The following KCNJ4 variants were observed in gnomAD, a reference collection of about 807,000 sequenced individuals.
The protein encoded by KCNJ4 is potassium inwardly rectifying channel subfamily J member 4, also known as inward rectifier potassium channel 4.
Under a neutral mutation model 25.6 loss-of-function variants are expected in KCNJ4, and 3 were observed. That is an observed-to-expected ratio of 0.12 (90% CI 0.05 to 0.30). The LOEUF (loss-of-function observed/expected upper bound fraction) is 0.30, where lower values mean the gene tolerates loss of function less well. KCNJ4 is among the 10% of genes least tolerant of loss of function. KCNJ4 has a pLI of 1.00. For missense variants in KCNJ4, 286 were observed against 666.8 expected (o/e 0.43, Z 6.29); for synonymous variants, 257 against 283.9 (o/e 0.91, Z 0.95).
At chr22:38,450,827 C>T (rs1205453623) in intron 1 of KCNJ4, among the ~76,000 whole-genome samples, 1 of 152,188 alleles carries the variant, frequency 6.6e-6, no homozygotes, top group Non-Finnish European at 1.5e-5. Context: ...CAGAGGATCC[C>T]TGAGGGGGTG....
In KCNJ4 at chr22:38,428,070, G is replaced by A. The variant is rs554555759; in HGVS notation, c.63C>T (p.Phe21=). 8.1e-6 allele frequency: 13 copies of A among 1,614,020 alleles called. No individual in the cohort carries two copies. The East Asian group carries it at 1.1e-4, about 14-fold the overall frequency. The change falls in exon 2 of 2, where the codon TTC becomes TTT. Residue 21 remains phenylalanine, a synonymous_variant. Transcript: ENST00000303592. ...HVPRRKRRNR[F]VKKNGQCNVY... is the part of the protein sequence containing the mutation. ...CGTTGCATTGGCCGTTCTTCTTGAC[G>A]AAGCGGTTGCGGCGCTTCCGCCGGG... is the stretch of plus-strand genomic sequence containing the variant.
In KCNJ4 at chr22:38,439,774, CAA is replaced by C. The variant is rs112130946; in HGVS notation, c.-39-11605_-39-11604del. On this transcript the variant is annotated intron_variant, in intron 1 of 1. Coordinates refer to ENST00000303592, the MANE Select transcript of KCNJ4 (RefSeq NM_152868.3). ...TGGGCGACAGAGCGAGACTCCATCTCAAAAAAAAAAAAAAAAAAGAAATACAA... is the reference window on the plus strand; with the variant it reads ...TGGGCGACAGAGCGAGACTCCATCTCAAAAAAAAAAAAAAAAGAAATACAA... Among the ~76,000 whole-genome samples the C allele has an allele frequency of 1.8e-3, 152 of 85,154 alleles. 1 individual carries two copies. The highest frequency in any genetic ancestry group is 7.1e-3 in the East Asian group (24 of 3,386). 55.9% of individuals were successfully genotyped at this position (85,154 alleles called of 152,430 possible). A position where few individuals can be genotyped will look rare whatever the true frequency, so the allele number is the denominator to read the frequency against.
Position 38,427,905 on chromosome 22 carries a change from G to C in KCNJ4, c.228C>G (p.Leu76=). ...CGTGGAAGAAGGCGATACACCAGAA[G>C]AGGAGGCCGAAAAAGAGCCAGGAGA... The part of the protein sequence containing the change: ...FLVSWLFFGL[L]FWCIAFFHGD... The change falls in exon 2 of 2, where the codon CTC becomes CTG. Residue 76 remains leucine, a synonymous_variant. Transcript: ENST00000303592. 6.2e-7 allele frequency: 1 copy of C among 1,612,772 alleles called. No homozygotes were observed. Among genetic ancestry groups the C allele is most frequent in the Non-Finnish European group, 8.5e-7 (1 of 1,179,060 alleles).
intron 1 of KCNJ4, among the ~76,000 whole-genome samples, chr22:38,454,768 C>G (rs1386435556): frequency 6.6e-6 from 1 of 152,100 alleles, no homozygotes; most frequent in Non-Finnish European, 1.5e-5. Flanking sequence ...GACCGCGACG[C>G]TCCCAGACGG....
At chr22:38,448,431 T>A (rs1016954696) in intron 1 of KCNJ4, among the ~76,000 whole-genome samples, 2 of 152,086 alleles carry the variant, frequency 1.3e-5, no homozygotes, top group Non-Finnish European at 2.9e-5. Flanking sequence ...GTCAAGGTCA[T>A]GCGGAGCCAG....
chr22:38,454,071 AAC>A (rs372059015), intron 1 of KCNJ4, among the ~76,000 whole-genome samples: 2 of 151,488 alleles, frequency 1.3e-5, no homozygotes, highest in African/African-American at 2.4e-5. Context: ...TGTGGGGGAG[AAC>A]ACACACACAC....
intron 1 of KCNJ4, among the ~76,000 whole-genome samples, chr22:38,454,570 G>T (rs868163617): frequency 2.1e-4 from 32 of 152,150 alleles, no homozygotes; most frequent in Admixed American, 9.2e-4. Flanking sequence ...AGATCACAGG[G>T]CCATTTGCAA....
intron 1 of KCNJ4, among the ~76,000 whole-genome samples, chr22:38,442,220 T>C (rs962409081): frequency 6.6e-6 from 1 of 152,182 alleles, no homozygotes; most frequent in African/African-American, 2.4e-5. Context: ...TTAAAATTAA[T>C]GTGTACACAT....
chr22:38,441,111 G>C (rs953144071), intron 1 of KCNJ4, among the ~76,000 whole-genome samples: 3 of 152,030 alleles, frequency 2.0e-5, no homozygotes, highest in Admixed American at 1.3e-4. Flanking sequence ...GAGGAGGACC[G>C]GCCAGAGAGC....
Position 38,427,761 on chromosome 22 carries a change from G to A in KCNJ4, c.372C>T (p.Ala124=). Residue 124 remains alanine (A), a synonymous_variant, in exon 2 of 2, where the codon GCC becomes GCT. Transcript: ENST00000303592. ...CIMHVNGFLG[A]FLFSVETQTT... ...TCTGCGTCTCCACCGAGAACAGGAA[G>A]GCACCCAGGAAGCCGTTCACGTGCA... 1 of 1,609,240 alleles carries A rather than the reference G, an allele frequency of 6.2e-7. No homozygotes were observed. Among genetic ancestry groups the A allele is most frequent in the Non-Finnish European group, 8.5e-7 (1 of 1,178,972 alleles).
At chr22:38,431,946 G>C (rs1343947490) in intron 1 of KCNJ4, among the ~76,000 whole-genome samples, 1 of 147,140 alleles carries the variant, frequency 6.8e-6, no homozygotes, top group Non-Finnish European at 1.5e-5. Context: ...CCTCTGACTA[G>C]AGATGTTTTT....
At chr22:38,446,422 G>C (rs1225586305) in intron 1 of KCNJ4, among the ~76,000 whole-genome samples, 1 of 149,510 alleles carries the variant, frequency 6.7e-6, no homozygotes, top group East Asian at 1.9e-4. Context: ...TCATGGCGGG[G>C]CTGGCACTCA....
chr22:38,442,628 T>C (rs1259464229), intron 1 of KCNJ4, among the ~76,000 whole-genome samples: 1 of 151,968 alleles, frequency 6.6e-6, no homozygotes, highest in Non-Finnish European at 1.5e-5. Context: ...GAAAATTTCT[T>C]AACCTCTCTG....
At position 38,426,974 on chromosome 22, in the gene KCNJ4, TCTC is replaced by T. The variant is rs1326848286; in HGVS notation, c.1156_1158del (p.Glu386del). ...GCCGCCGCAGCTGCCTCCTCCTCCA[TCTC>T]CTCTTCCTCCTGGCTCATAAGGGCC... On this transcript the variant is annotated inframe_deletion, in exon 2 of 2. Transcript: ENST00000303592. 1 of 1,612,296 alleles carries T rather than the reference TCTC, an allele frequency of 6.2e-7. No homozygotes were observed. The highest frequency in any genetic ancestry group is 2.2e-5 in the East Asian group (1 of 44,814).
chr22:38,427,563 G>C lies in KCNJ4; in HGVS notation c.570C>G (p.His190Gln), dbSNP rs540270406. 1 of 1,611,268 alleles carries C rather than the reference G, an allele frequency of 6.2e-7. No homozygotes were observed. The highest frequency in any genetic ancestry group is 1.1e-5 in the South Asian group (1 of 91,056). The change falls in exon 2 of 2, where the codon CAC becomes CAG. Residue 190 changes from histidine (H) to glutamine (Q), a missense_variant. Coordinates refer to ENST00000303592, the MANE Select transcript of KCNJ4 (RefSeq NM_152868.3). ...TGCCGTCGCGCACCGAAATGACCGC[G>C]TGGTGGCTGAACAGCAACGTCTGCG... is the stretch of plus-strand genomic sequence containing the variant. ...KRAQTLLFSHHAVISVRDGKL... is the reference protein window; with the variant it reads ...KRAQTLLFSHQAVISVRDGKL...
At chr22:38,442,997 C>A (rs1016316445) in intron 1 of KCNJ4, among the ~76,000 whole-genome samples, 2 of 152,150 alleles carry the variant, frequency 1.3e-5, no homozygotes, top group African/African-American at 4.8e-5. Context: ...CCTGTCTCAG[C>A]CTCTCACAGT....
intron 1 of KCNJ4, among the ~76,000 whole-genome samples, chr22:38,431,298 CCT>C (rs997965577): frequency 2.0e-5 from 3 of 152,174 alleles, no homozygotes; most frequent in African/African-American, 7.2e-5. Flanking sequence ...GAGCCGATCC[CCT>C]GATGGCTACA....
intron 1 of KCNJ4, among the ~76,000 whole-genome samples, chr22:38,431,377 T>G (rs1317798644): frequency 6.6e-6 from 1 of 152,192 alleles, no homozygotes; most frequent in Non-Finnish European, 1.5e-5. Context: ...GGGTCAATTC[T>G]GAGCTTCCAC....
chr22:38,437,355 A>G (rs570706571), intron 1 of KCNJ4, among the ~76,000 whole-genome samples: 17 of 152,174 alleles, frequency 1.1e-4, no homozygotes, highest in Non-Finnish European at 1.9e-4. Flanking sequence ...CTCCCTCGAG[A>G]GCTTCCCACC....
Sources: gnomAD v4.1 joint callset for allele counts (sites outside exome capture counted in the v4.1 genomes callset) on GRCh38, gnomAD v4.1.1 for gene constraint, MANE v1.5 for transcripts, NCBI Gene and HGNC (gene_info 2026-07-23, HGNC 2026-07-21) for gene names.